The following KIAA1328 variants were observed in gnomAD, a reference collection of about 807,000 sequenced individuals.
KIAA1328 encodes the protein KIAA1328.
Under a neutral mutation model 68.1 loss-of-function variants are expected in KIAA1328, and 52 were observed. The ratio of observed to expected loss-of-function variants is 0.76; its 90% CI spans 0.61 to 0.96. The LOEUF is 0.96. Among genes scored for constraint, KIAA1328 ranks in the 40% least tolerant of loss-of-function variants. KIAA1328 has a pLI of 0.00. For synonymous variants in KIAA1328, 232 were observed against 239.4 expected (o/e 0.97, Z 0.28); for missense variants, 641 against 677.6 (o/e 0.95, Z 0.60).
intron 7 of KIAA1328, among the ~76,000 whole-genome samples, chr18:37,154,184 G>A (rs1273608803): frequency 6.6e-6 from 1 of 152,188 alleles, no homozygotes; most frequent in Non-Finnish European, 1.5e-5. Context: ...GAGTGAGAGA[G>A]GGAAGCAAAT....
At chr18:36,921,023 C>T (rs1166175287) in intron 5 of KIAA1328, 1 of 152,238 alleles carries the variant, frequency 6.6e-6, no homozygotes, top group African/African-American at 2.4e-5. Context: ...TGCCTTTAGG[C>T]AACAAGCTGG....
At chr18:37,139,987 T>C (rs2058733011) in intron 7 of KIAA1328, among the ~76,000 whole-genome samples, 1 of 152,184 alleles carries the variant, frequency 6.6e-6, no homozygotes, top group African/African-American at 2.4e-5. Flanking sequence ...GCTTAAGTAA[T>C]GCAGAGGGTA....
intron 6 of KIAA1328, among the ~76,000 whole-genome samples, chr18:37,058,364 G>A (rs918945860): frequency 2.0e-5 from 3 of 152,114 alleles, no homozygotes; most frequent in Non-Finnish European, 2.9e-5. Context: ...AATGTTAGAT[G>A]AAAGAAGCCA....
intron 5 of KIAA1328, among the ~76,000 whole-genome samples, chr18:36,922,082 A>G (rs184561830): frequency 2.4e-3 from 363 of 151,954 alleles, no homozygotes; most frequent in Non-Finnish European, 1.2e-3. Context: ...TTAAACAAAG[A>G]CAACCTATAT....
chr18:37,007,117 T>A (rs2053812552), intron 6 of KIAA1328, among the ~76,000 whole-genome samples: 1 of 152,188 alleles, frequency 6.6e-6, no homozygotes, highest in South Asian at 2.1e-4. Flanking sequence ...AATATTACCT[T>A]CCATCTGGCA....
chr18:37,028,512 C>CTT (rs575689979), intron 6 of KIAA1328, among the ~76,000 whole-genome samples: 31 of 146,898 alleles, frequency 2.1e-4, no homozygotes, highest in Middle Eastern at 3.2e-3. Context: ...GGTTAGATGC[C>CTT]TTTTTTTTTT....
intron 7 of KIAA1328, among the ~76,000 whole-genome samples, chr18:37,151,818 A>G (rs1371749064): frequency 2.0e-5 from 3 of 152,188 alleles, no homozygotes; most frequent in Non-Finnish European, 4.4e-5. Context: ...TGAGAAGGGC[A>G]TCCATAGAAG....
In KIAA1328 at chr18:37,077,095, G is replaced by A. The variant is rs1051428074; in HGVS notation, c.1232+9550G>A. 1.7e-3 allele frequency among the ~76,000 whole-genome samples: 263 copies of A among 151,324 alleles called. 3 individuals are homozygous for A. The highest frequency in any genetic ancestry group is 3.4e-3 in the Middle Eastern group (1 of 294). On this transcript the variant is annotated intron_variant, in intron 7 of 9. Transcript: ENST00000280020. The stretch of plus-strand genomic sequence containing the variant: ...CTGCAAAAATCCTCAATAAAATACT[G>A]GCAAACCGAATCCAGCAGCACATCA...
At chr18:37,063,591 A>T in intron 6 of KIAA1328, 1 of 977,298 alleles carries the variant, frequency 1.0e-6, no homozygotes, top group Non-Finnish European at 1.2e-6. Context: ...CACGGGGAGC[A>T]TCTTAGAATT....
At chr18:37,112,013 A>G (rs1340196629) in intron 7 of KIAA1328, among the ~76,000 whole-genome samples, 2 of 152,292 alleles carry the variant, frequency 1.3e-5, no homozygotes, top group East Asian at 1.9e-4. Flanking sequence ...TAGGTAAACA[A>G]AGCAGCCAGG....
At chr18:36,921,147 G>A (rs2049906429) in intron 5 of KIAA1328, 1 of 150,936 alleles carries the variant, frequency 6.6e-6, no homozygotes, top group Admixed American at 6.6e-5. Context: ...TTTTCTAGTT[G>A]TTTATAGCAT....
chr18:37,159,756 T>C (rs2059236477), intron 7 of KIAA1328, among the ~76,000 whole-genome samples: 3 of 152,206 alleles, frequency 2.0e-5, no homozygotes, highest in Admixed American at 1.3e-4. Context: ...GGGTACATAA[T>C]AAATACTAAT....
intron 6 of KIAA1328, among the ~76,000 whole-genome samples, chr18:37,058,680 C>A (rs2056022688): frequency 6.6e-6 from 1 of 151,948 alleles, no homozygotes; most frequent in Non-Finnish European, 1.5e-5. Flanking sequence ...CCACTGCACT[C>A]CAGCCTGGGT....
intron 9 of KIAA1328, among the ~76,000 whole-genome samples, chr18:37,186,564 CAAAAAAAAAAAAA>C (rs397858280): frequency 2.7e-5 from 2 of 73,176 alleles, no homozygotes; most frequent in African/African-American, 5.1e-5. Context: ...GAAACCCTAT[CAAAAAAAAAAAAA>C]AAAAAAAAAA....
chr18:36,898,953 T>C (rs914874564), intron 5 of KIAA1328, among the ~76,000 whole-genome samples: 1 of 152,122 alleles, frequency 6.6e-6, no homozygotes, highest in Non-Finnish European at 1.5e-5. Flanking sequence ...AAAATAATTT[T>C]AGTTCTTTTA....
At chr18:36,894,717 G>A (rs1439193753) in intron 5 of KIAA1328, among the ~76,000 whole-genome samples, 1 of 152,050 alleles carries the variant, frequency 6.6e-6, no homozygotes, top group Non-Finnish European at 1.5e-5. Context: ...TAGAGACGGG[G>A]TCTCCCTATG....
chr18:36,850,163 CAGT>C (rs1019327694), intron 4 of KIAA1328, among the ~76,000 whole-genome samples: 12 of 151,770 alleles, frequency 7.9e-5, no homozygotes, highest in African/African-American at 2.4e-4. Context: ...TTCACTTTCT[CAGT>C]GGTATTCTTT....
intron 7 of KIAA1328, among the ~76,000 whole-genome samples, chr18:37,132,943 T>G (rs1302439112): frequency 6.6e-6 from 1 of 152,186 alleles, no homozygotes; most frequent in Non-Finnish European, 1.5e-5. Flanking sequence ...ATGCAACAAC[T>G]TAAATGAATC....
intron 5 of KIAA1328, among the ~76,000 whole-genome samples, chr18:36,903,454 G>A (rs889060218): frequency 6.6e-6 from 1 of 152,070 alleles, no homozygotes; most frequent in East Asian, 1.9e-4. Flanking sequence ...CAGTGGGGAA[G>A]GGCAGAAGGA....
Sources: gnomAD v4.1 joint callset for allele counts (sites outside exome capture counted in the v4.1 genomes callset) on GRCh38, gnomAD v4.1.1 for gene constraint, MANE v1.5 for transcripts, NCBI Gene and HGNC (gene_info 2026-07-23, HGNC 2026-07-21) for gene names.